Variants in SLCO2A1 observed in about 807,000 individuals in gnomAD.
SLCO2A1 encodes the protein matrin F/G 1.
SLCO2A1 carries 60 observed loss-of-function variants against 71.7 expected under a neutral mutation model. The ratio of observed to expected loss-of-function variants is 0.84; its 90% CI spans 0.68 to 1.04. The LOEUF (loss-of-function observed/expected upper bound fraction) is 1.04. SLCO2A1 is among the 50% of genes least tolerant of loss of function. The probability of loss-of-function intolerance (pLI) is 0.00; values close to 1 mark genes in which losing one functional copy is unlikely to be tolerated. For synonymous variants in SLCO2A1, 308 were observed against 326.7 expected, an observed-to-expected ratio of 0.94 and a Z score of 0.62; for missense variants, 745 against 813.4, an observed-to-expected ratio of 0.92 and a Z score of 1.02.
chr3:134,006,722 A>G (rs558163597), intron 1 of SLCO2A1, among the ~76,000 whole-genome samples: 42 of 152,298 alleles, frequency 2.8e-4, no homozygotes, highest in African/African-American at 8.7e-4. Context: ...CCATTTATCT[A>G]TTGATGGACA....
intron 9 of SLCO2A1, among the ~76,000 whole-genome samples, chr3:133,946,286 T>A (rs1173512522): frequency 6.7e-6 from 1 of 148,498 alleles, no homozygotes; most frequent in African/African-American, 2.5e-5. Flanking sequence ...GTACAGCATC[T>A]CCAAATGTTG....
chr3:133,972,388 A>G (rs1373843848), intron 3 of SLCO2A1, among the ~76,000 whole-genome samples: 1 of 152,224 alleles, frequency 6.6e-6, no homozygotes, highest in South Asian at 2.1e-4. Flanking sequence ...AGGAGGCCAG[A>G]AATGAAAATG....
At chr3:134,013,308 A>G (rs1935378442) in intron 1 of SLCO2A1, among the ~76,000 whole-genome samples, 1 of 152,246 alleles carries the variant, frequency 6.6e-6, no homozygotes, top group African/African-American at 2.4e-5. Context: ...GCACAAGTGA[A>G]GAATGACTTA....
intron 1 of SLCO2A1, among the ~76,000 whole-genome samples, chr3:133,987,374 G>A (rs1332045577): frequency 6.6e-6 from 1 of 151,860 alleles, no homozygotes; most frequent in African/African-American, 2.4e-5. Context: ...GGCTTCATCT[G>A]TCTGATAAAA....
intron 5 of SLCO2A1, among the ~76,000 whole-genome samples, 178 bp downstream of exon 5, chr3:133,953,485 G>A (rs1036855109): frequency 6.6e-6 from 1 of 152,260 alleles, no homozygotes; most frequent in Non-Finnish European, 1.5e-5. Flanking sequence ...CCTGAGAGAG[G>A]AGGCACACAC....
At chr3:133,940,258 A>T (rs1391729625) in intron 11 of SLCO2A1, among the ~76,000 whole-genome samples, 1 of 152,118 alleles carries the variant, frequency 6.6e-6, no homozygotes, top group Non-Finnish European at 1.5e-5. Context: ...GTGAGCCACC[A>T]CACCCGGCCT....
At chr3:133,955,251 G>A in intron 3 of SLCO2A1, 58 bp from the exon 4 acceptor site, 1 of 1,494,540 alleles carries the variant, frequency 6.7e-7, no homozygotes, top group Middle Eastern at 2.0e-4. Context: ...CCACCGGCTG[G>A]CCTCCAAACC....
chr3:133,937,446 C>T (rs1288450993), intron 12 of SLCO2A1, among the ~76,000 whole-genome samples: 2 of 152,232 alleles, frequency 1.3e-5, no homozygotes, highest in Non-Finnish European at 2.9e-5. Context: ...TTCTCCCAGC[C>T]TGGGACTGGA....
At chr3:134,009,676 G>A (rs775937243) in intron 1 of SLCO2A1, among the ~76,000 whole-genome samples, 3 of 152,234 alleles carry the variant, frequency 2.0e-5, no homozygotes, top group Non-Finnish European at 4.4e-5. Context: ...TAGGGAATGC[G>A]CAAAGAAAGA....
rs535394585 is a variant in SLCO2A1, at chr3:133,950,562, G to T, written c.861+646C>A. ...TTCCCTACCCCCTAAACTCAACCTA[G>T]CTGCCATATTGCCACCCAAGTGGCC... On this transcript the variant is annotated intron_variant, in intron 6 of 13. Transcript: ENST00000310926. Among the ~76,000 whole-genome samples the T allele has an allele frequency of 3.9e-5, 6 of 152,224 alleles. No homozygotes were observed. In the East Asian group the frequency reaches 1.2e-3, roughly 29 times the overall value.
rs376833562 is a variant in SLCO2A1 at position 133,949,001 on chromosome 3, C to T, written c.862-30G>A. 2.4e-5 allele frequency: 38 copies of T among 1,584,406 alleles called. No homozygotes were observed. The East Asian group carries it at 3.4e-4, about 14-fold the overall frequency. ...AGGCAATAAAAGGGGTGAGTGTTCACGGCCCAGGCTCACTGTAGCCACCCT... is the reference window on the plus strand; with the variant it reads ...AGGCAATAAAAGGGGTGAGTGTTCATGGCCCAGGCTCACTGTAGCCACCCT... On this transcript the variant is annotated intron_variant, in intron 6 of 13. Transcript: ENST00000310926.
rs143472216 is a variant in SLCO2A1 at position 133,959,448 on chromosome 3, G to T, written c.398-4255C>A. ...TGTTGGCAAGGGTGTGGAGCAATTA[G>T]AACCCTATGCATCGCTGGTGAGAAT... On this transcript the variant is annotated intron_variant, in intron 3 of 13. Transcript: ENST00000310926. Among the ~76,000 whole-genome samples the T allele has an allele frequency of 5.2e-3, 778 of 149,998 alleles. 8 individuals are homozygous for T. Among genetic ancestry groups the T allele is most frequent in the African/African-American group, 0.016 (654 of 40,322 alleles).
intron 3 of SLCO2A1, among the ~76,000 whole-genome samples, chr3:133,955,715 T>TC (rs1933884475): frequency 6.6e-6 from 1 of 152,114 alleles, no homozygotes; most frequent in Non-Finnish European, 1.5e-5. Flanking sequence ...GTGGGTTGAG[T>TC]CCCTGGTTGT....
intron 1 of SLCO2A1, among the ~76,000 whole-genome samples, chr3:134,010,913 G>A (rs1055313084): frequency 1.3e-5 from 2 of 152,180 alleles, no homozygotes; most frequent in African/African-American, 4.8e-5. Context: ...TGGGGACACA[G>A]AGTCAAACCA....
At chr3:133,935,028 C>G (rs968522909) in intron 13 of SLCO2A1, among the ~76,000 whole-genome samples, 198 bp from the exon 14 acceptor site, 1 of 152,122 alleles carries the variant, frequency 6.6e-6, no homozygotes, top group Non-Finnish European at 1.5e-5. Context: ...AGGGAGTAGG[C>G]ATGGGACTCT....
Position 133,948,714 on chromosome 3 carries a change from G to T in SLCO2A1, c.941-14C>A, listed in dbSNP as rs373836852. On this transcript the variant is annotated splice_polypyrimidine_tract_variant and intron_variant, in intron 7 of 13. Transcript: ENST00000310926. ...TGCATGGAAACCCTGTGAACAGACC[G>T]CTGTCAAGGCTCTGGCAGAACCCCT... 1 of 1,610,866 alleles carries T rather than the reference G, an allele frequency of 6.2e-7. No individual in the cohort carries two copies. Among genetic ancestry groups the T allele is most frequent in the Non-Finnish European group, 8.5e-7 (1 of 1,178,178 alleles).
At position 133,951,461 on chromosome 3, in the gene SLCO2A1, C is replaced by A; in HGVS notation, c.725-117G>T. Reference sequence around the variant, plus strand: ...TTTTCTTCCCAGGATGCAGAAGAGGCAAGCCATGAGCTAGATTCTTGGTCA... The same window carrying A: ...TTTTCTTCCCAGGATGCAGAAGAGGAAAGCCATGAGCTAGATTCTTGGTCA... On this transcript the variant is annotated intron_variant, in intron 5 of 13. Transcript: ENST00000310926. 8.1e-6 allele frequency: 10 copies of A among 1,240,584 alleles called. No homozygotes were observed. In the East Asian group the frequency reaches 1.2e-4, roughly 15 times the overall value. 76.8% of individuals were successfully genotyped at this position (1,240,584 alleles called of 1,614,324 possible). A position where few individuals can be genotyped will look rare whatever the true frequency, so the allele number is the denominator to read the frequency against.
intron 10 of SLCO2A1, 118 bp downstream of exon 10, chr3:133,944,977 A>G (rs1373361565): frequency 3.8e-5 from 42 of 1,103,678 alleles, no homozygotes; most frequent in Non-Finnish European, 5.3e-5. Context: ...GATGCTGGTA[A>G]TGAGTGTGTG....
At chr3:133,990,070 C>A (rs943598256) in intron 1 of SLCO2A1, among the ~76,000 whole-genome samples, 3 of 152,210 alleles carry the variant, frequency 2.0e-5, no homozygotes, top group Non-Finnish European at 2.9e-5. Context: ...CTTAATCTCA[C>A]TTCTCCTTCT....
Sources: gnomAD v4.1 joint callset for allele counts (sites outside exome capture counted in the v4.1 genomes callset) on GRCh38, gnomAD v4.1.1 for gene constraint, MANE v1.5 for transcripts, NCBI Gene and HGNC (gene_info 2026-07-23, HGNC 2026-07-21) for gene names.